The following PI15 variants were observed in gnomAD, a reference collection of about 807,000 sequenced individuals.
PI15 encodes 25 kDa trypsin inhibitor.
A neutral mutation model predicts 31.0 loss-of-function variants in PI15; 18 were observed. The observed-to-expected ratio is 0.58, with a 90% CI of 0.40 to 0.86. PI15 has a LOEUF of 0.86. PI15 is among the 40% of genes least tolerant of loss of function. PI15 has a pLI of 0.00. For missense variants in PI15, 282 were observed against 328.1 expected, an observed-to-expected ratio of 0.86 and a Z score of 1.09; for synonymous variants, 118 against 119.1, an observed-to-expected ratio of 0.99 and a Z score of 0.06.
At chr8:74,838,956 C>A (rs1036246641) in intron 2 of PI15, among the ~76,000 whole-genome samples, 2 of 152,204 alleles carry the variant, frequency 1.3e-5, no homozygotes, top group Non-Finnish European at 2.9e-5. Flanking sequence ...GTTGATAAGA[C>A]AGCCTCATAT....
rs1037076016 is a variant in PI15 at position 74,850,278 on chromosome 8, T to A, written c.*1025T>A. 3 of 152,200 alleles carry A rather than the reference T, an allele frequency of 2.0e-5. No homozygotes were observed. Among genetic ancestry groups the A allele is most frequent in the Non-Finnish European group, 4.4e-5 (3 of 68,034 alleles). 9.4% of individuals were successfully genotyped at this position (152,200 alleles called of 1,614,324 possible). A position where few individuals can be genotyped will look rare whatever the true frequency, so the allele number is the denominator to read the frequency against. On this transcript the variant is annotated 3_prime_UTR_variant, in exon 6 of 6. Coordinates refer to ENST00000260113, the MANE Select transcript of PI15 (RefSeq NM_015886.5). Reference sequence around the variant, plus strand: ...AGATTTCTGGAGCAGATTGTACAGCTGTGACTTTGGAAAACAGAAAGTAAG... The same window carrying A: ...AGATTTCTGGAGCAGATTGTACAGCAGTGACTTTGGAAAACAGAAAGTAAG...
chr8:74,825,342 C>T lies in PI15; in HGVS notation c.93C>T (p.Ser31=), dbSNP rs765006533. 6.2e-7 allele frequency: 1 copy of T among 1,613,254 alleles called. No individual in the cohort carries two copies. Among genetic ancestry groups the T allele is most frequent in the South Asian group, 1.1e-5 (1 of 91,062 alleles). ...TCCTACTCAATTCCACTGACTCATC[C>T]CCGCCAACCAATAATTTCACTGATA... ...TVVLLNSTDS[S]PPTNNFTDIE... is the part of the protein sequence containing the mutation. Residue 31 remains serine, a synonymous_variant, in exon 2 of 6, where the codon TCC becomes TCT. Transcript: ENST00000260113.
At chr8:74,834,321 C>A (rs1411023905) in intron 2 of PI15, among the ~76,000 whole-genome samples, 1 of 152,142 alleles carries the variant, frequency 6.6e-6, no homozygotes, top group Non-Finnish European at 1.5e-5. Flanking sequence ...GGAATCAAAT[C>A]TTTCTCTTTG....
At chr8:74,835,631 CAT>C (rs925581225) in intron 2 of PI15, among the ~76,000 whole-genome samples, 1 of 152,160 alleles carries the variant, frequency 6.6e-6, no homozygotes, top group African/African-American at 2.4e-5. Context: ...TTCTAGAAAA[CAT>C]GTGAGCACTA....
At chr8:74,847,772 TTATACA>T (rs1406750643) in intron 5 of PI15, among the ~76,000 whole-genome samples, 2 of 152,310 alleles carry the variant, frequency 1.3e-5, no homozygotes, top group East Asian at 1.9e-4. Context: ...TTTTCATATC[TTATACA>T]TATACTTTGT....
chr8:74,843,856 A>G, intron 2 of PI15, 125 bp from the exon 3 acceptor site: 3 of 705,126 alleles, frequency 4.3e-6, no homozygotes, highest in Non-Finnish European at 7.7e-6. Flanking sequence ...GGCAGAAAAA[A>G]CAAAAACAAA....
rs1254292110 is a variant in PI15, at chr8:74,853,039, C to G, written c.*3786C>G. 6.6e-6 allele frequency: 1 copy of G among 152,358 alleles called. No homozygotes were observed. Among genetic ancestry groups the G allele is most frequent in the African/African-American group, 2.4e-5 (1 of 41,408 alleles). 9.4% of individuals were successfully genotyped at this position (152,358 alleles called of 1,614,324 possible). A position where few individuals can be genotyped will look rare whatever the true frequency, so the allele number is the denominator to read the frequency against. On this transcript the variant is annotated 3_prime_UTR_variant, in exon 6 of 6. Transcript: ENST00000260113. Reference sequence around the variant, plus strand: ...ATGCTGGTGAAACGTATAATCACATCCAATTATTTGAACACATGCAAAATA... The same window carrying G: ...ATGCTGGTGAAACGTATAATCACATGCAATTATTTGAACACATGCAAAATA...
At chr8:74,844,895 A>G (rs1346952809) in intron 3 of PI15, 3 of 483,634 alleles carry the variant, frequency 6.2e-6, no homozygotes, top group African/African-American at 3.8e-5. Flanking sequence ...ATGACCAGAC[A>G]CATGTTTAGA....
chr8:74,840,682 C>G (rs146849513), intron 2 of PI15, among the ~76,000 whole-genome samples: 1 of 152,200 alleles, frequency 6.6e-6, no homozygotes, highest in Non-Finnish European at 1.5e-5. Flanking sequence ...GGCCCTCTGA[C>G]TTCCGCTGCA....
chr8:74,832,186 G>A (rs1810792351), intron 2 of PI15, among the ~76,000 whole-genome samples: 1 of 152,140 alleles, frequency 6.6e-6, no homozygotes, highest in Non-Finnish European at 1.5e-5. Context: ...GTAGAATAAG[G>A]ATTTATATGA....
In PI15 at chr8:74,849,329, T is replaced by C. The variant is rs1586960237; in HGVS notation, c.*76T>C. The C allele has an allele frequency of 8.9e-7, 1 of 1,125,248 alleles. No individual in the cohort carries two copies. The highest frequency in any genetic ancestry group is 2.6e-5 in the East Asian group (1 of 38,662). The allele number at this position is 1,125,248 out of a possible 1,614,324, so 69.7% of individuals were successfully genotyped here. ...TATATATATATATGGAGAGAGAATTTTGCACATATTATACATATTTTGTGC... is the reference window on the plus strand; with the variant it reads ...TATATATATATATGGAGAGAGAATTCTGCACATATTATACATATTTTGTGC... On this transcript the variant is annotated 3_prime_UTR_variant, in exon 6 of 6. Coordinates refer to ENST00000260113, the MANE Select transcript of PI15 (RefSeq NM_015886.5).
Position 74,832,802 on chromosome 8 carries a change from A to G in PI15, c.273+7280A>G, listed in dbSNP as rs1200811498. ...GTACCAAGCATTTTTCTTAACACAA[A>G]TATGGAAGAATGCCCAACACGTTGC... On this transcript the variant is annotated intron_variant, in intron 2 of 5. Transcript: ENST00000260113. Among the ~76,000 whole-genome samples, 4 of 152,228 alleles carry G rather than the reference A, an allele frequency of 2.6e-5. 1 individual carries two copies. Among genetic ancestry groups the G allele is most frequent in the Middle Eastern group, 6.8e-3 (2 of 294 alleles).
Position 74,853,626 on chromosome 8 carries a change from T to A in PI15, c.*4373T>A, listed in dbSNP as rs1435235544. The A allele has an allele frequency of 6.6e-6, 1 of 152,536 alleles. No individual in the cohort carries two copies. The highest frequency in any genetic ancestry group is 1.9e-4 in the East Asian group (1 of 5,198). The allele number at this position is 152,536 out of a possible 1,614,324, so 9.4% of individuals were successfully genotyped here. ...GTTATGAAGACAAATTCTTAATGGC[T>A]ACTTGACCTACAGCAAAAGCCATTT... On this transcript the variant is annotated 3_prime_UTR_variant, in exon 6 of 6. Coordinates refer to ENST00000260113, the MANE Select transcript of PI15 (RefSeq NM_015886.5).
chr8:74,850,014 A>G lies in PI15; in HGVS notation c.*761A>G, dbSNP rs149425653. On this transcript the variant is annotated 3_prime_UTR_variant, in exon 6 of 6. Coordinates refer to ENST00000260113, the MANE Select transcript of PI15 (RefSeq NM_015886.5). ...TGCTAGTTATATTCTAATAATGCAG[A>G]GATAATTAGACATGGTTCCCGCCCT... 2 of 152,206 alleles carry G rather than the reference A, an allele frequency of 1.3e-5. No individual in the cohort carries two copies. The highest frequency in any genetic ancestry group is 4.8e-5 in the African/African-American group (2 of 41,456). 9.4% of individuals were successfully genotyped at this position (152,206 alleles called of 1,614,324 possible).
chr8:74,827,960 A>G (rs1007929084), intron 2 of PI15, among the ~76,000 whole-genome samples: 3 of 152,130 alleles, frequency 2.0e-5, no homozygotes, highest in Non-Finnish European at 2.9e-5. Flanking sequence ...TCAAAAACTC[A>G]TGTAAATACT....
chr8:74,845,576 G>A (rs1010921222), intron 5 of PI15, 79 bp downstream of exon 5: 16 of 863,164 alleles, frequency 1.9e-5, no homozygotes, highest in Non-Finnish European at 3.2e-5. Context: ...ATCTGTGACA[G>A]GTAAGTGAGT....
intron 2 of PI15, among the ~76,000 whole-genome samples, chr8:74,828,288 AG>A (rs1223477943): frequency 6.6e-6 from 1 of 152,114 alleles, no homozygotes; most frequent in East Asian, 1.9e-4. Flanking sequence ...TCAAAGGTGA[AG>A]GAAGAGTGAG....
intron 2 of PI15, among the ~76,000 whole-genome samples, chr8:74,841,762 A>G (rs1409537509): frequency 6.6e-6 from 1 of 152,218 alleles, no homozygotes; most frequent in Non-Finnish European, 1.5e-5. Context: ...TATTCTGTTA[A>G]TATTTGGTCA....
In PI15 at chr8:74,844,951, G is replaced by A. The variant is rs77251090; in HGVS notation, c.393-177G>A. ...CCAGCCCTGGCCATTTCCATGCTTG[G>A]CCCTAGTTGGAGGAATAGAGGACCC... On this transcript the variant is annotated intron_variant, in intron 3 of 5. Coordinates refer to ENST00000260113, the MANE Select transcript of PI15 (RefSeq NM_015886.5). 4.2e-5 allele frequency: 25 copies of A among 598,338 alleles called. No individual in the cohort carries two copies. In the African/African-American group the frequency reaches 4.4e-4, roughly 11 times the overall value. The allele number at this position is 598,338 out of a possible 1,614,324, so 37.1% of individuals were successfully genotyped here. A position where few individuals can be genotyped will look rare whatever the true frequency, so the allele number is the denominator to read the frequency against.
Sources: allele counts gnomAD v4.1 joint callset (sites outside exome capture counted in the v4.1 genomes callset), GRCh38; gene constraint gnomAD v4.1.1; transcripts MANE v1.5; gene names NCBI Gene and HGNC (gene_info 2026-07-23, HGNC 2026-07-21).